Variants in TAFA5 observed in about 807,000 individuals in gnomAD.
The protein encoded by TAFA5 is TAFA chemokine like family member 5.
A neutral mutation model predicts 15.3 loss-of-function variants in TAFA5; 6 were observed. That is an observed-to-expected ratio of 0.39 (90% confidence interval 0.21 to 0.77). The LOEUF (loss-of-function observed/expected upper bound fraction) is 0.77, where lower values mean the gene tolerates loss of function less well. TAFA5 is among the 30% of genes least tolerant of loss of function. The probability of loss-of-function intolerance (pLI) is 0.41; values close to 1 mark genes in which losing one functional copy is unlikely to be tolerated. For synonymous variants in TAFA5, 103 were observed against 80.7 expected, an observed-to-expected ratio of 1.28 and a Z score of -1.48; for missense variants, 161 against 193.1, an observed-to-expected ratio of 0.83 and a Z score of 0.98.
At chr22:48,549,421 C>T (rs1274002052) in intron 1 of TAFA5, among the ~76,000 whole-genome samples, 1 of 152,244 alleles carries the variant, frequency 6.6e-6, no homozygotes, top group Non-Finnish European at 1.5e-5. Flanking sequence ...AGTACTGGAT[C>T]CGTGCTCTTC....
chr22:48,739,663 G>A (rs6010466), intron 3 of TAFA5, among the ~76,000 whole-genome samples: 33,475 of 152,064 alleles, frequency 0.22, 3,970 homozygotes, highest in Admixed American at 0.32. Flanking sequence ...CTTCGAGCTC[G>A]CTGCTCAGGT....
intron 1 of TAFA5, among the ~76,000 whole-genome samples, chr22:48,521,869 A>G (rs1403990547): frequency 1.3e-5 from 2 of 151,940 alleles, no homozygotes; most frequent in Non-Finnish European, 2.9e-5. Context: ...CATCGGGGCC[A>G]GGATGAGCTT....
chr22:48,657,508 C>G (rs892858542), intron 2 of TAFA5, among the ~76,000 whole-genome samples: 3 of 152,204 alleles, frequency 2.0e-5, no homozygotes, highest in Non-Finnish European at 4.4e-5. Context: ...AGAATAGGGG[C>G]CACTTCTTAA....
At chr22:48,703,936 G>A (rs532443419) in intron 2 of TAFA5, among the ~76,000 whole-genome samples, 3 of 152,346 alleles carry the variant, frequency 2.0e-5, no homozygotes, top group South Asian at 4.1e-4. Flanking sequence ...CAGTTGAAGG[G>A]CTCACTTCAC....
chr22:48,546,485 G>A (rs1164046836), intron 1 of TAFA5: 1 of 471,048 alleles, frequency 2.1e-6, no homozygotes, highest in East Asian at 6.9e-5. Flanking sequence ...TCTCAAACGG[G>A]GTGTGTGGAC....
intron 1 of TAFA5, among the ~76,000 whole-genome samples, chr22:48,607,391 G>T (rs1925231420): frequency 7.3e-6 from 1 of 136,758 alleles, no homozygotes; most frequent in Admixed American, 7.1e-5. Context: ...CCCATCCCAG[G>T]TACCTCAGCC....
intron 3 of TAFA5, among the ~76,000 whole-genome samples, chr22:48,710,056 T>C (rs1857630679): frequency 6.6e-6 from 1 of 152,172 alleles, no homozygotes; most frequent in African/African-American, 2.4e-5. Flanking sequence ...CTACCTTGCT[T>C]CAGGGCATTT....
chr22:48,652,555 C>T (rs761872911), intron 2 of TAFA5, among the ~76,000 whole-genome samples: 7 of 152,218 alleles, frequency 4.6e-5, no homozygotes, highest in South Asian at 2.1e-4. Flanking sequence ...CCTGGCACCC[C>T]GCACTGGCCA....
chr22:48,628,083 C>T (rs1472538559), intron 1 of TAFA5, among the ~76,000 whole-genome samples: 2 of 151,336 alleles, frequency 1.3e-5, no homozygotes, highest in African/African-American at 4.8e-5. Flanking sequence ...GGGCACAGGA[C>T]GTGACTCTGC....
At chr22:48,515,690 T>A (rs552703658) in intron 1 of TAFA5, among the ~76,000 whole-genome samples, 3 of 152,258 alleles carry the variant, frequency 2.0e-5, no homozygotes, top group South Asian at 4.1e-4. Flanking sequence ...CAATGCCCAA[T>A]GCAAGCGGGA....
At chr22:48,585,732 CAT>C (rs778728258) in intron 1 of TAFA5, among the ~76,000 whole-genome samples, 67 of 151,986 alleles carry the variant, frequency 4.4e-4, no homozygotes, top group Middle Eastern at 3.4e-3. Flanking sequence ...AACACACACA[CAT>C]AACATACACC....
chr22:48,611,388 C>T (rs1925405018), intron 1 of TAFA5, among the ~76,000 whole-genome samples: 1 of 152,224 alleles, frequency 6.6e-6, no homozygotes, highest in Non-Finnish European at 1.5e-5. Context: ...TTAGAACTCA[C>T]TTATTCAGCA....
chr22:48,746,880 C>T lies in TAFA5; in HGVS notation c.391-2959C>T, dbSNP rs539253645. ...GCCTGCTGAGCTCCCCGTCCCACCC[C>T]GGCAGCCATCCTCAGGCAGCTCACC... is the stretch of plus-strand genomic sequence containing the variant. On this transcript the variant is annotated intron_variant, in intron 3 of 3. Transcript: ENST00000402357. Among the ~76,000 whole-genome samples, 232 of 152,294 alleles carry T rather than the reference C, an allele frequency of 1.5e-3. 1 individual carries two copies. The highest frequency in any genetic ancestry group is 5.5e-3 in the African/African-American group (227 of 41,566).
At chr22:48,608,051 G>A (rs1454489050) in intron 1 of TAFA5, among the ~76,000 whole-genome samples, 2 of 117,082 alleles carry the variant, frequency 1.7e-5, no homozygotes, top group East Asian at 4.7e-4. Flanking sequence ...GCTTGGGGCT[G>A]GACAGGCAGA....
intron 3 of TAFA5, among the ~76,000 whole-genome samples, chr22:48,734,549 C>T (rs531509539): frequency 2.5e-4 from 38 of 152,372 alleles, no homozygotes; most frequent in Admixed American, 9.8e-4. Context: ...AGTGTGTGAG[C>T]GGCTCTGGGC....
chr22:48,571,756 C>T (rs1306797120), intron 1 of TAFA5, among the ~76,000 whole-genome samples: 2 of 151,850 alleles, frequency 1.3e-5, no homozygotes, highest in Admixed American at 1.3e-4. Flanking sequence ...GCCTTTTATT[C>T]TCCTTTAGAA....
At chr22:48,575,161 G>A (rs575583671) in intron 1 of TAFA5, among the ~76,000 whole-genome samples, 1 of 152,168 alleles carries the variant, frequency 6.6e-6, no homozygotes, top group South Asian at 2.1e-4. Context: ...CCTTGGGTGC[G>A]AGGGAGGCTG....
intron 2 of TAFA5, among the ~76,000 whole-genome samples, chr22:48,702,291 C>T (rs1171476226): frequency 2.0e-5 from 3 of 152,068 alleles, no homozygotes; most frequent in Admixed American, 6.5e-5. Context: ...GAAGTGTTTC[C>T]AGGCAGAGAA....
chr22:48,685,260 G>A lies in TAFA5; in HGVS notation c.263-22457G>A, dbSNP rs139844160. On this transcript the variant is annotated intron_variant, in intron 2 of 3. Coordinates refer to ENST00000402357, the MANE Select transcript of TAFA5 (RefSeq NM_001082967.3). ...TTATGGAAGCCACAGTTCTTATTAT[G>A]TAGATGAATCCTGTAAGCAGCAGGC... is the stretch of plus-strand genomic sequence containing the variant. 1.1e-3 allele frequency among the ~76,000 whole-genome samples: 162 copies of A among 152,294 alleles called. 1 individual carries two copies. The highest frequency in any genetic ancestry group is 3.6e-3 in the African/African-American group (149 of 41,562).
Sources: allele counts gnomAD v4.1 joint callset (sites outside exome capture counted in the v4.1 genomes callset), GRCh38; gene constraint gnomAD v4.1.1; transcripts MANE v1.5; gene names NCBI Gene and HGNC (gene_info 2026-07-23, HGNC 2026-07-21).